MMS22L: variants seen among roughly 807,000 people sequenced by gnomAD.
The protein encoded by MMS22L is MMS22 like, DNA repair protein.
A neutral mutation model predicts 159.1 loss-of-function variants in MMS22L; 74 were observed. The observed-to-expected ratio is 0.47, with a 90% CI of 0.39 to 0.56. The LOEUF (loss-of-function observed/expected upper bound fraction) is 0.56, where lower values mean the gene tolerates loss of function less well. Ranked by LOEUF, MMS22L falls within the 20% of genes least tolerant of loss-of-function variation. MMS22L has a pLI of 0.00. For synonymous variants in MMS22L, 517 were observed against 506.9 expected (o/e 1.02, Z -0.27); for missense variants, 1,351 against 1,422.1 (o/e 0.95, Z 0.80).
intron 16 of MMS22L, among the ~76,000 whole-genome samples, chr6:97,180,356 C>T (rs925078063): frequency 6.6e-6 from 1 of 152,164 alleles, no homozygotes; most frequent in African/African-American, 2.4e-5. Flanking sequence ...CTGCCTTGTC[C>T]TTCCAAGGTG....
At chr6:97,212,654 C>A (rs901819537) in intron 14 of MMS22L, among the ~76,000 whole-genome samples, 2 of 152,230 alleles carry the variant, frequency 1.3e-5, no homozygotes, top group Middle Eastern at 3.4e-3. Flanking sequence ...AAAGAAGTGA[C>A]AAGACTTGTT....
chr6:97,282,709 A>C (rs530180525), intron 1 of MMS22L, among the ~76,000 whole-genome samples, 156 bp from the exon 2 acceptor site: 321 of 152,302 alleles, frequency 2.1e-3, no homozygotes, highest in Non-Finnish European at 3.8e-3. Flanking sequence ...TCAGAACTTA[A>C]GACAAAATGC....
rs1270545535 is a variant in MMS22L at position 97,142,181 on chromosome 6, A to C, written c.*4625T>G. On this transcript the variant is annotated 3_prime_UTR_variant, in exon 25 of 25. Coordinates refer to ENST00000683635, the MANE Select transcript of MMS22L (RefSeq NM_001350599.2). The stretch of plus-strand genomic sequence containing the variant: ...CAATGTAAGTTACATATATACTTTT[A>C]TTATTATATATAATTTTATCATATG... 6.6e-6 allele frequency: 1 copy of C among 151,826 alleles called. No individual in the cohort carries two copies. Among genetic ancestry groups the C allele is most frequent in the Non-Finnish European group, 1.5e-5 (1 of 67,774 alleles). The allele number at this position is 151,826 out of a possible 1,614,324, so 9.4% of individuals were successfully genotyped here.
rs912398588 is a variant in MMS22L at position 97,215,752 on chromosome 6, TA to T, written c.2039+13141del. Among the ~76,000 whole-genome samples, 16 of 147,028 alleles carry T rather than the reference TA, an allele frequency of 1.1e-4. No individual in the cohort carries two copies. In the East Asian group the frequency reaches 1.2e-3, roughly 11 times the overall value. ...GCACTCACTGTATTACTTTTCAAGA[TA>T]AAAAAAAAAGTCCTGAATTTTCATG... On this transcript the variant is annotated intron_variant, in intron 14 of 24. Coordinates refer to ENST00000683635, the MANE Select transcript of MMS22L (RefSeq NM_001350599.2).
chr6:97,238,473 G>A (rs565378437), intron 11 of MMS22L, among the ~76,000 whole-genome samples: 101 of 152,038 alleles, frequency 6.6e-4, no homozygotes, highest in Middle Eastern at 6.8e-3. Context: ...AGGCCTGTGG[G>A]CCTCTTTTCC....
chr6:97,182,694 G>A (rs371451861), intron 15 of MMS22L, among the ~76,000 whole-genome samples: 1 of 152,032 alleles, frequency 6.6e-6, no homozygotes, highest in East Asian at 1.9e-4. Context: ...TTTCTGAAAC[G>A]GGGTGGCTGT....
At chr6:97,256,817 T>C (rs1206248755) in intron 9 of MMS22L, among the ~76,000 whole-genome samples, 1 of 152,118 alleles carries the variant, frequency 6.6e-6, no homozygotes, top group Non-Finnish European at 1.5e-5. Flanking sequence ...TGTGGTGGCA[T>C]GTGCTTGTAC....
intron 9 of MMS22L, among the ~76,000 whole-genome samples, chr6:97,262,424 C>T (rs9400711): frequency 0.36 from 53,955 of 151,616 alleles, 10,892 homozygotes; most frequent in East Asian, 0.79. Context: ...GCAGGCAGAT[C>T]ACTTGAGGTC....
At chr6:97,253,492 A>C in intron 10 of MMS22L, 1 of 133,166 alleles carries the variant, frequency 7.5e-6, no homozygotes, top group Non-Finnish European at 1.5e-5. Context: ...ATGGTGTCTC[A>C]CTCTGTTGCC....
At chr6:97,242,235 C>T (rs1330940936) in intron 11 of MMS22L, among the ~76,000 whole-genome samples, 2 of 152,130 alleles carry the variant, frequency 1.3e-5, no homozygotes, top group Non-Finnish European at 2.9e-5. Flanking sequence ...CCATCTATCT[C>T]ATTTCTTAGG....
At chr6:97,259,859 CAATA>C (rs1209640339) in intron 9 of MMS22L, 1 of 152,070 alleles carries the variant, frequency 6.6e-6, no homozygotes, top group Non-Finnish European at 1.5e-5. Flanking sequence ...AACAATACTG[CAATA>C]AATAAACGTA....
chr6:97,185,546 C>T (rs1805137537), intron 15 of MMS22L, among the ~76,000 whole-genome samples: 1 of 152,076 alleles, frequency 6.6e-6, no homozygotes, highest in Admixed American at 6.6e-5. Flanking sequence ...CTTAAACTGG[C>T]TGAATATCAA....
intron 24 of MMS22L, 120 bp from the exon 25 acceptor site, chr6:97,147,007 G>A (rs950811694): frequency 8.0e-6 from 5 of 625,522 alleles, no homozygotes; most frequent in African/African-American, 5.9e-5. Flanking sequence ...CATCCATCCA[G>A]CAGGCTTAGC....
At chr6:97,237,659 G>A (rs1157996608) in intron 11 of MMS22L, among the ~76,000 whole-genome samples, 1 of 152,172 alleles carries the variant, frequency 6.6e-6, no homozygotes, top group African/African-American at 2.4e-5. Flanking sequence ...ACAAAACTGA[G>A]ATCTGGGTTC....
chr6:97,177,145 C>T (rs543472740), intron 18 of MMS22L, among the ~76,000 whole-genome samples: 1 of 152,180 alleles, frequency 6.6e-6, no homozygotes, highest in East Asian at 1.9e-4. Flanking sequence ...CAGTTCTCTG[C>T]ACCTTTAAGT....
Position 97,146,394 on chromosome 6 carries a change from T to G in MMS22L, c.*412A>C, listed in dbSNP as rs900212316. 6.5e-6 allele frequency: 1 copy of G among 153,342 alleles called. No homozygotes were observed. Among genetic ancestry groups the G allele is most frequent in the Non-Finnish European group, 1.5e-5 (1 of 68,898 alleles). The allele number at this position is 153,342 out of a possible 1,614,324, so 9.5% of individuals were successfully genotyped here. A position where few individuals can be genotyped will look rare whatever the true frequency, so the allele number is the denominator to read the frequency against. On this transcript the variant is annotated 3_prime_UTR_variant, in exon 25 of 25. Transcript: ENST00000683635. ...GGTAGCCAGGTACTTTGAAAAAGTA[T>G]CATTTTAAAACATAACTATTATTGT...
intron 14 of MMS22L, among the ~76,000 whole-genome samples, chr6:97,191,469 C>G (rs1001008074): frequency 2.0e-5 from 3 of 149,992 alleles, no homozygotes; most frequent in African/African-American, 7.6e-5. Context: ...TTAAAATTGT[C>G]TATTGATGGA....
intron 18 of MMS22L, among the ~76,000 whole-genome samples, chr6:97,177,043 T>A (rs1304338916): frequency 6.6e-6 from 1 of 152,150 alleles, no homozygotes; most frequent in Non-Finnish European, 1.5e-5. Context: ...ATCACTCTTT[T>A]AGTCAAACAC....
rs995219822 is a variant in MMS22L at position 97,248,862 on chromosome 6, A to T, written c.1120-2172T>A. On this transcript the variant is annotated intron_variant, in intron 10 of 24. Coordinates refer to ENST00000683635, the MANE Select transcript of MMS22L (RefSeq NM_001350599.2). The stretch of plus-strand genomic sequence containing the variant: ...CAACAGAGGGAGACTTTGTCTCAAA[A>T]AAAAAAAAAAGATCTGACCTTTGCC... Among the ~76,000 whole-genome samples, 6 of 152,080 alleles carry T rather than the reference A, an allele frequency of 3.9e-5. 1 individual carries two copies. Among genetic ancestry groups the T allele is most frequent in the Admixed American group, 1.3e-4 (2 of 15,278 alleles).
Sources: allele counts gnomAD v4.1 joint callset (sites outside exome capture counted in the v4.1 genomes callset), GRCh38; gene constraint gnomAD v4.1.1; transcripts MANE v1.5; gene names NCBI Gene and HGNC (gene_info 2026-07-23, HGNC 2026-07-21).